The following GRID1 variants were observed in gnomAD, a reference collection of about 807,000 sequenced individuals.
The protein encoded by GRID1 is glutamate ionotropic receptor delta type subunit 1, also known as glutamate receptor ionotropic, delta-1.
GRID1 carries 28 observed loss-of-function variants against 98.0 expected under a neutral mutation model. The observed-to-expected ratio is 0.29, with a 90% confidence interval of 0.21 to 0.39. GRID1 has a LOEUF of 0.39. Ranked by LOEUF, GRID1 falls within the 10% of genes least tolerant of loss-of-function variation. The pLI is 1.00. For synonymous variants in GRID1, 553 were observed against 538.5 expected, an observed-to-expected ratio of 1.03 and a Z score of -0.37; for missense variants, 1,111 against 1,340.5, an observed-to-expected ratio of 0.83 and a Z score of 2.67.
chr10:86,068,836 G>A (rs1843756691), intron 4 of GRID1, among the ~76,000 whole-genome samples: 1 of 152,160 alleles, frequency 6.6e-6, no homozygotes, highest in Non-Finnish European at 1.5e-5. Flanking sequence ...ATTAATTACT[G>A]TCCAAGTGCC....
chr10:85,850,391 C>T (rs1023796887), intron 8 of GRID1, among the ~76,000 whole-genome samples: 7 of 152,212 alleles, frequency 4.6e-5, no homozygotes, highest in African/African-American at 1.7e-4. Flanking sequence ...CCAAAACAGC[C>T]CTGAAAATAA....
chr10:86,133,693 T>C (rs1007791309), intron 4 of GRID1, among the ~76,000 whole-genome samples: 43 of 152,354 alleles, frequency 2.8e-4, no homozygotes, highest in African/African-American at 1.0e-3. Context: ...ATTCATTTAG[T>C]CCTTCAACAC....
intron 12 of GRID1, among the ~76,000 whole-genome samples, chr10:85,661,939 G>A (rs766489087): frequency 6.6e-6 from 1 of 152,154 alleles, no homozygotes; most frequent in Non-Finnish European, 1.5e-5. Context: ...TTCCAAGATG[G>A]TGCTCTCTTT....
intron 4 of GRID1, among the ~76,000 whole-genome samples, chr10:86,128,044 T>C (rs1340234065): frequency 3.3e-5 from 5 of 152,012 alleles, no homozygotes; most frequent in Non-Finnish European, 7.4e-5. Context: ...GATAGAAGAG[T>C]TGGGCTCTGA....
intron 3 of GRID1, among the ~76,000 whole-genome samples, chr10:86,163,329 A>G (rs1317580858): frequency 6.6e-6 from 1 of 151,834 alleles, no homozygotes; most frequent in African/African-American, 2.4e-5. Context: ...TGAGGCCCAT[A>G]GCAGAGACAG....
rs561473905 is a variant in GRID1 at position 86,150,655 on chromosome 10, G to T, written c.521-11631C>A. ...AGCATGCTACAGACTGAATGTTTGT[G>T]CTCCCCCAAAATTCATGTGTTAAAA... On this transcript the variant is annotated intron_variant, in intron 3 of 15. Coordinates refer to ENST00000327946, the MANE Select transcript of GRID1 (RefSeq NM_017551.3). Among the ~76,000 whole-genome samples, 220 of 152,286 alleles carry T rather than the reference G, an allele frequency of 1.4e-3. 2 individuals carry two copies. The highest frequency in any genetic ancestry group is 5.0e-3 in the African/African-American group (208 of 41,562).
intron 2 of GRID1, among the ~76,000 whole-genome samples, chr10:86,213,748 C>T (rs1339803346): frequency 6.6e-6 from 1 of 151,932 alleles, no homozygotes; most frequent in Admixed American, 6.5e-5. Context: ...GACCCCCACC[C>T]ACCCATCTGC....
At chr10:86,329,934 C>T (rs1044127860) in intron 2 of GRID1, among the ~76,000 whole-genome samples, 3 of 152,310 alleles carry the variant, frequency 2.0e-5, no homozygotes, top group South Asian at 4.1e-4. Flanking sequence ...CTGACCACCA[C>T]AGCCCTCTCC....
chr10:85,609,023 A>G (rs1394146476), intron 15 of GRID1, among the ~76,000 whole-genome samples: 1 of 152,134 alleles, frequency 6.6e-6, no homozygotes, highest in East Asian at 1.9e-4. Context: ...ACTGAGTCAC[A>G]ACCTTCACTC....
Position 85,599,796 on chromosome 10 carries a change from A to ATATATATATATATATATATATATAT in GRID1, c.*2476_*2477insATATATATATATATATATATATATA, listed in dbSNP as rs1842544529. On this transcript the variant is annotated 3_prime_UTR_variant, in exon 16 of 16. Coordinates refer to ENST00000327946, the MANE Select transcript of GRID1 (RefSeq NM_017551.3). ...CCAAGGGTAGAAAATTCTAAAAAAA[A>ATATATATATATATATATATATATAT]AAAAAAATATATATATATATATATA... 1 of 51,606 alleles carries ATATATATATATATATATATATATAT rather than the reference A, an allele frequency of 1.9e-5. No individual in the cohort carries two copies. The highest frequency in any genetic ancestry group is 1.1e-4 in the African/African-American group (1 of 8,786). 3.2% of individuals were successfully genotyped at this position (51,606 alleles called of 1,614,324 possible). A position where few individuals can be genotyped will look rare whatever the true frequency, so the allele number is the denominator to read the frequency against.
chr10:85,925,472 C>T (rs972964885), intron 4 of GRID1, among the ~76,000 whole-genome samples: 4 of 152,202 alleles, frequency 2.6e-5, no homozygotes, highest in African/African-American at 9.7e-5. Context: ...TGACTCGGTC[C>T]CTGAGGGCAG....
intron 4 of GRID1, among the ~76,000 whole-genome samples, chr10:86,006,942 T>C (rs1842868201): frequency 6.6e-6 from 1 of 152,080 alleles, no homozygotes; most frequent in Non-Finnish European, 1.5e-5. Flanking sequence ...GCCAACTCCA[T>C]GCCTATAGAA....
intron 3 of GRID1, among the ~76,000 whole-genome samples, chr10:86,166,848 A>C (rs1196073563): frequency 6.6e-6 from 1 of 152,198 alleles, no homozygotes; most frequent in Non-Finnish European, 1.5e-5. Flanking sequence ...CTCTGGCCCA[A>C]GTACCTCCTT....
chr10:86,150,177 G>A (rs1163934676), intron 3 of GRID1, among the ~76,000 whole-genome samples: 1 of 152,170 alleles, frequency 6.6e-6, no homozygotes, highest in African/African-American at 2.4e-5. Flanking sequence ...CTTCTTTCCT[G>A]CATCAACAGG....
intron 2 of GRID1, among the ~76,000 whole-genome samples, chr10:86,213,367 C>T (rs1257293640): frequency 1.3e-5 from 2 of 152,126 alleles, no homozygotes; most frequent in Non-Finnish European, 2.9e-5. Flanking sequence ...TCTACCACCT[C>T]CCTCCCCGTT....
At chr10:85,795,682 G>T (rs746858928) in intron 8 of GRID1, among the ~76,000 whole-genome samples, 1 of 152,144 alleles carries the variant, frequency 6.6e-6, no homozygotes, top group African/African-American at 2.4e-5. Flanking sequence ...GACAGGCAAC[G>T]GCACGTCGAA....
intron 4 of GRID1, among the ~76,000 whole-genome samples, chr10:86,112,287 C>T (rs1314487525): frequency 6.6e-6 from 1 of 152,206 alleles, no homozygotes; most frequent in Non-Finnish European, 1.5e-5. Context: ...GTCTCAAAAC[C>T]TCCTGGAACT....
chr10:85,621,492 A>G (rs1389548257), intron 13 of GRID1, among the ~76,000 whole-genome samples: 1 of 152,162 alleles, frequency 6.6e-6, no homozygotes, highest in Non-Finnish European at 1.5e-5. Flanking sequence ...GGCCCAAGAC[A>G]GCTTATTTCC....
intron 13 of GRID1, chr10:85,646,941 C>T (rs948657948): frequency 1.9e-6 from 1 of 515,814 alleles, no homozygotes; most frequent in Non-Finnish European, 3.5e-6. Context: ...CCTATGAGCC[C>T]ATGAGGAGGG....
Sources: allele counts gnomAD v4.1 joint callset (sites outside exome capture counted in the v4.1 genomes callset), GRCh38; gene constraint gnomAD v4.1.1; transcripts MANE v1.5; gene names NCBI Gene and HGNC (gene_info 2026-07-23, HGNC 2026-07-21).